The following ASCC3 variants were observed in gnomAD, a reference collection of about 807,000 sequenced individuals.
The protein encoded by ASCC3 is ASC-1 complex subunit P200.
In ASCC3, 158 loss-of-function variants were observed where a neutral mutation model predicts 256.3. The ratio of observed to expected loss-of-function variants is 0.62; its 90% CI spans 0.54 to 0.70. The LOEUF (loss-of-function observed/expected upper bound fraction) is 0.70, where lower values mean the gene tolerates loss of function less well. Ranked by LOEUF, ASCC3 falls within the 30% of genes least tolerant of loss-of-function variation. The pLI, the probability that ASCC3 is intolerant of heterozygous loss-of-function variation, is 0.00. For synonymous variants in ASCC3, 948 were observed against 883.4 expected (o/e 1.07, Z -1.30); for missense variants, 2,259 against 2,626.0 (o/e 0.86, Z 3.05).
At chr6:100,705,640 CT>C (rs916456255) in intron 13 of ASCC3, among the ~76,000 whole-genome samples, 1 of 151,572 alleles carries the variant, frequency 6.6e-6, no homozygotes, top group Non-Finnish European at 1.5e-5. Context: ...AGAGTATTCA[CT>C]TTTTTTTAAC....
chr6:100,653,318 C>T (rs1006264574), intron 17 of ASCC3, among the ~76,000 whole-genome samples: 3 of 152,012 alleles, frequency 2.0e-5, no homozygotes, highest in Non-Finnish European at 4.4e-5. Context: ...AATGCTTTCC[C>T]TGTCAAAATC....
At chr6:100,532,406 ATTTTTTT>A (rs57203625) in intron 37 of ASCC3, among the ~76,000 whole-genome samples, 657 of 48,416 alleles carry the variant, frequency 0.014, 10 homozygotes, top group African/African-American at 0.041. Flanking sequence ...ATATATATAT[ATTTTTTT>A]TTTTTTTTTT....
intron 23 of ASCC3, 66 bp downstream of exon 23, chr6:100,643,965 C>A: frequency 1.9e-6 from 2 of 1,060,842 alleles, no homozygotes; most frequent in Non-Finnish European, 2.8e-6. Context: ...GAAATAAAAG[C>A]AGAAACTGTT....
At chr6:100,696,022 T>C (rs1192503781) in intron 13 of ASCC3, among the ~76,000 whole-genome samples, 1 of 152,200 alleles carries the variant, frequency 6.6e-6, no homozygotes, top group Non-Finnish European at 1.5e-5. Context: ...CTGGAGCAGT[T>C]ACTAATTTAA....
At chr6:100,635,223 TGTAC>T (rs1774786238) in intron 25 of ASCC3, among the ~76,000 whole-genome samples, 1 of 151,994 alleles carries the variant, frequency 6.6e-6, no homozygotes, top group African/African-American at 2.4e-5. Flanking sequence ...GTGATATATA[TGTAC>T]ACACACACAC....
rs1345869685 is a variant in ASCC3 at position 100,767,243 on chromosome 6, G to A, written c.1498C>T (p.Pro500Ser). ...NTNENMLICA[P>S]TGAGKTNIAM... ...ATGTTGGTTTTTCCAGCTCCTGTAGGGGCACAAATCAGCATGTTCTCATTG... is the reference window on the plus strand; with the variant it reads ...ATGTTGGTTTTTCCAGCTCCTGTAGAGGCACAAATCAGCATGTTCTCATTG... Residue 500 changes from proline to serine, a missense_variant, in exon 9 of 42, where the codon CCT (proline) becomes TCT (serine). By Grantham distance (74) the Pro-to-Ser change is moderately conservative. Around this residue, in one of 2 missense-constraint regions of ASCC3, gnomAD observed 1,839 missense variants for 2,206.7 expected, o/e 0.83. Coordinates refer to ENST00000369162, the MANE Select transcript of ASCC3 (RefSeq NM_006828.4). The A allele has an allele frequency of 1.2e-6, 2 of 1,613,960 alleles. No homozygotes were observed. Among genetic ancestry groups the A allele is most frequent in the East Asian group, 2.2e-5 (1 of 44,848 alleles).
intron 36 of ASCC3, among the ~76,000 whole-genome samples, chr6:100,586,929 T>G (rs532906243): frequency 1.3e-5 from 2 of 152,312 alleles, no homozygotes; most frequent in East Asian, 3.9e-4. Context: ...TCAGTTGTAA[T>G]GTTATCAGAA....
At chr6:100,846,946 T>C (rs1480389847) in intron 4 of ASCC3, among the ~76,000 whole-genome samples, 1 of 152,170 alleles carries the variant, frequency 6.6e-6, no homozygotes, top group Non-Finnish European at 1.5e-5. Context: ...TTCATCCTTT[T>C]ATGTTCAGTA....
chr6:100,740,433 T>C (rs1780379412), intron 10 of ASCC3, among the ~76,000 whole-genome samples: 1 of 152,208 alleles, frequency 6.6e-6, no homozygotes, highest in Non-Finnish European at 1.5e-5. Flanking sequence ...GAGAGTTCTG[T>C]AGATATCTAT....
intron 36 of ASCC3, among the ~76,000 whole-genome samples, chr6:100,563,727 T>C (rs1422606498): frequency 6.6e-6 from 1 of 152,180 alleles, no homozygotes; most frequent in South Asian, 2.1e-4. Context: ...AAGGTTTTTT[T>C]ATTAGAACAG....
intron 37 of ASCC3, among the ~76,000 whole-genome samples, chr6:100,532,724 C>T (rs1372390661): frequency 1.3e-5 from 2 of 151,898 alleles, no homozygotes; most frequent in Admixed American, 6.6e-5. Flanking sequence ...ATTAAAACTG[C>T]TTTTCATTTA....
intron 4 of ASCC3, among the ~76,000 whole-genome samples, chr6:100,807,600 A>C (rs1452245490): frequency 6.6e-6 from 1 of 151,976 alleles, no homozygotes; most frequent in Non-Finnish European, 1.5e-5. Flanking sequence ...CTGGTGCCTT[A>C]GCATAAATCA....
At chr6:100,586,491 C>G (rs1037383366) in intron 36 of ASCC3, among the ~76,000 whole-genome samples, 1 of 152,196 alleles carries the variant, frequency 6.6e-6, no homozygotes. Context: ...TCTGTCACCC[C>G]TTTCTTTGAC....
intron 36 of ASCC3, among the ~76,000 whole-genome samples, chr6:100,556,547 A>G (rs1343887399): frequency 6.6e-6 from 1 of 152,202 alleles, no homozygotes; most frequent in Non-Finnish European, 1.5e-5. Flanking sequence ...AGAAAGGGGA[A>G]GAAGTAATTT....
chr6:100,523,935 T>C (rs1014169656), intron 37 of ASCC3, among the ~76,000 whole-genome samples: 2 of 152,154 alleles, frequency 1.3e-5, no homozygotes, highest in Non-Finnish European at 2.9e-5. Flanking sequence ...GTATGCAATA[T>C]GGTGTGATAA....
chr6:100,612,796 G>A (rs1773473549), intron 30 of ASCC3, among the ~76,000 whole-genome samples: 1 of 151,896 alleles, frequency 6.6e-6, no homozygotes, highest in Non-Finnish European at 1.5e-5. Flanking sequence ...TTTCTAAACT[G>A]TATCAATACT....
In ASCC3 at chr6:100,800,330, C is replaced by T. The variant is rs1206419167; in HGVS notation, c.1097G>A (p.Cys366Tyr). The T allele has an allele frequency of 4.3e-6, 7 of 1,612,808 alleles. No individual in the cohort carries two copies. The highest frequency in any genetic ancestry group is 5.9e-6 in the Non-Finnish European group (7 of 1,179,274). ...EDLEVSEGLM[C>Y]FDPKELRIQR... ...TATCCGCAATTCCTTAGGATCAAAG[C>T]ACATAAGTCCTTCTGAAACTTCTAA... Residue 366 changes from cysteine to tyrosine, a missense_variant, in exon 6 of 42, where the codon TGC (cysteine) becomes TAC (tyrosine). Cys to Tyr is a radical substitution (Grantham distance 194). Coordinates refer to ENST00000369162, the MANE Select transcript of ASCC3 (RefSeq NM_006828.4).
intron 37 of ASCC3, among the ~76,000 whole-genome samples, chr6:100,525,798 T>C (rs1774553749): frequency 6.6e-6 from 1 of 152,160 alleles, no homozygotes; most frequent in South Asian, 2.1e-4. Context: ...TCTGGAAATG[T>C]AAAACTATTC....
intron 34 of ASCC3, among the ~76,000 whole-genome samples, chr6:100,598,782 T>C (rs13206913): frequency 6.6e-6 from 1 of 152,222 alleles, no homozygotes; most frequent in Admixed American, 6.5e-5. Flanking sequence ...CTGCATTCTG[T>C]GTCTGCTAAC....
Sources: allele counts gnomAD v4.1 joint callset (sites outside exome capture counted in the v4.1 genomes callset), GRCh38; gene constraint gnomAD v4.1.1; regional missense constraint gnomAD v4.1.1; transcripts MANE v1.5; gene names NCBI Gene and HGNC (gene_info 2026-07-23, HGNC 2026-07-21).